The following ASAP2 variants were observed in gnomAD, a reference collection of about 807,000 sequenced individuals.
The protein encoded by ASAP2 is ArfGAP with SH3 domain, ankyrin repeat and PH domain 2.
Under a neutral mutation model 131.4 loss-of-function variants are expected in ASAP2, and 45 were observed. That is an observed-to-expected ratio of 0.34 (90% CI 0.27 to 0.44). The LOEUF (loss-of-function observed/expected upper bound fraction) is 0.44. ASAP2 is among the 20% of genes least tolerant of loss of function. The pLI is 1.00. For missense variants in ASAP2, 1,011 were observed against 1,297.0 expected (o/e 0.78, Z 3.39); for synonymous variants, 510 against 503.0 (o/e 1.01, Z -0.19).
chr2:9,296,853 G>A (rs1046211522), intron 2 of ASAP2, among the ~76,000 whole-genome samples: 13 of 152,174 alleles, frequency 8.5e-5, no homozygotes, highest in African/African-American at 3.1e-4. Flanking sequence ...GACCACTGCT[G>A]TTGCTGTATT....
chr2:9,310,828 G>C (rs116732931), intron 3 of ASAP2, among the ~76,000 whole-genome samples: 133 of 152,342 alleles, frequency 8.7e-4, no homozygotes, highest in Non-Finnish European at 1.7e-3. Flanking sequence ...ATTGTGAAGA[G>C]ATGGCTGTTT....
chr2:9,225,666 G>T (rs2148001050), intron 1 of ASAP2, among the ~76,000 whole-genome samples: 1 of 152,238 alleles, frequency 6.6e-6, no homozygotes, highest in African/African-American at 2.4e-5. Flanking sequence ...TAGGAAGTCT[G>T]GCCTGGCATG....
chr2:9,284,054 A>G (rs1303062092), intron 2 of ASAP2, among the ~76,000 whole-genome samples: 1 of 152,218 alleles, frequency 6.6e-6, no homozygotes, highest in African/African-American at 2.4e-5. Flanking sequence ...TTGTGATGAC[A>G]TTGGCCTCAT....
At chr2:9,263,658 G>A (rs1017203758) in intron 1 of ASAP2, among the ~76,000 whole-genome samples, 1 of 152,192 alleles carries the variant, frequency 6.6e-6, no homozygotes, top group Non-Finnish European at 1.5e-5. Context: ...GCCTGTGGGC[G>A]CTGCTTCCTT....
chr2:9,270,247 A>G (rs1666246606), intron 1 of ASAP2, among the ~76,000 whole-genome samples: 1 of 151,764 alleles, frequency 6.6e-6, no homozygotes, highest in African/African-American at 2.4e-5. Flanking sequence ...TTTTTTACAC[A>G]TAAGTTCCCG....
intron 3 of ASAP2, among the ~76,000 whole-genome samples, chr2:9,314,420 C>T (rs1397904396): frequency 6.6e-6 from 1 of 152,180 alleles, no homozygotes; most frequent in Admixed American, 6.5e-5. Flanking sequence ...TTATCTGAAG[C>T]CCCTGTAGAT....
At chr2:9,395,936 ATAAAGT>A (rs1300822266) in intron 24 of ASAP2, among the ~76,000 whole-genome samples, 3 of 151,946 alleles carry the variant, frequency 2.0e-5, no homozygotes, top group African/African-American at 4.8e-5. Flanking sequence ...GAGTAGAGAA[ATAAAGT>A]TAAACTTTTA....
In ASAP2 at chr2:9,232,412, C is replaced by A. The variant is rs1234206123; in HGVS notation, c.126+25182C>A. On this transcript the variant is annotated intron_variant, in intron 1 of 27. Transcript: ENST00000281419. The surrounding 1 kb of genome is among the most constrained non-coding windows in gnomAD (Gnocchi z 4.1). ...TCTGCTGGCTTTGTGCCCCCGTACC[C>A]CTTTCGCAGCTGACTGTCCACATTA... Among the ~76,000 whole-genome samples, 9 of 152,228 alleles carry A rather than the reference C, an allele frequency of 5.9e-5. No individual in the cohort carries two copies. The highest frequency in any genetic ancestry group is 2.6e-4 in the Admixed American group (4 of 15,284).
chr2:9,395,839 C>T (rs1676103854), intron 24 of ASAP2, among the ~76,000 whole-genome samples: 1 of 151,830 alleles, frequency 6.6e-6, no homozygotes, highest in South Asian at 2.1e-4. Context: ...AATCTCCTGA[C>T]CTCGTGATCT....
intron 1 of ASAP2, among the ~76,000 whole-genome samples, chr2:9,256,572 GT>G (rs1665179539): frequency 6.6e-6 from 1 of 152,122 alleles, no homozygotes; most frequent in African/African-American, 2.4e-5. Context: ...TTTGGATTTT[GT>G]TTTTAAAAAA....
At chr2:9,211,214 T>C (rs1039912579) in intron 1 of ASAP2, among the ~76,000 whole-genome samples, 8 of 152,094 alleles carry the variant, frequency 5.3e-5, no homozygotes, top group African/African-American at 1.9e-4. Context: ...CTGTATTTTA[T>C]AATTTTTCAC....
At position 9,393,010 on chromosome 2, in the gene ASAP2, G is replaced by A. The variant is rs984047334; in HGVS notation, c.2519-472G>A. Among the ~76,000 whole-genome samples, 8 of 152,170 alleles carry A rather than the reference G, an allele frequency of 5.3e-5. No individual in the cohort carries two copies. The East Asian group carries it at 9.6e-4, about 18-fold the overall frequency. On this transcript the variant is annotated intron_variant, in intron 23 of 27. Transcript: ENST00000281419. ...CACCCACTCCGGAGACTGAGGAGCCGTTACTAAGTTAGTAGCTCCCATCTC... is the reference window on the plus strand; with the variant it reads ...CACCCACTCCGGAGACTGAGGAGCCATTACTAAGTTAGTAGCTCCCATCTC...
chr2:9,350,922 C>T, intron 12 of ASAP2, 27 bp downstream of exon 12: 1 of 1,557,622 alleles, frequency 6.4e-7, no homozygotes, highest in Non-Finnish European at 8.8e-7. Context: ...GATGCCGCGC[C>T]ATAGAGACGT....
intron 1 of ASAP2, among the ~76,000 whole-genome samples, chr2:9,251,858 G>C (rs1664732136): frequency 6.6e-6 from 1 of 152,172 alleles, no homozygotes; most frequent in Admixed American, 6.5e-5. Context: ...GGATGGAGCA[G>C]AGATGGGCCT....
In ASAP2 at chr2:9,336,119, T is replaced by G. The variant is rs796806806; in HGVS notation, c.849+940T>G. 4.6e-5 allele frequency: 7 copies of G among 152,350 alleles called. 1 individual carries two copies. The highest frequency in any genetic ancestry group is 1.7e-4 in the African/African-American group (7 of 41,578). 9.4% of individuals were successfully genotyped at this position (152,350 alleles called of 1,614,324 possible). ...CGTGAACATACATATATATATTCCT[T>G]TTATATATTAATGGTTAGTAGCATT... On this transcript the variant is annotated intron_variant, in intron 9 of 27. Transcript: ENST00000281419.
At position 9,265,300 on chromosome 2, in the gene ASAP2, C is replaced by G. The variant is rs189795363; in HGVS notation, c.127-14017C>G. 1.8e-3 allele frequency among the ~76,000 whole-genome samples: 281 copies of G among 152,332 alleles called. 3 individuals carry two copies. The highest frequency in any genetic ancestry group is 3.4e-3 in the Non-Finnish European group (233 of 68,032). Reference sequence around the variant, plus strand: ...GCAAATATGACAACATTCTACATTACGAATTGAGCATCCTTGGATTTTGGA... The same window carrying G: ...GCAAATATGACAACATTCTACATTAGGAATTGAGCATCCTTGGATTTTGGA... On this transcript the variant is annotated intron_variant, in intron 1 of 27. Transcript: ENST00000281419.
At chr2:9,387,344 T>C (rs1382088671) in intron 21 of ASAP2, among the ~76,000 whole-genome samples, 10 of 152,222 alleles carry the variant, frequency 6.6e-5, no homozygotes, top group African/African-American at 2.4e-4. Flanking sequence ...TACTCAGCTC[T>C]GCCAGGATGG....
Position 9,207,083 on chromosome 2 carries a change from C to G in ASAP2, c.-22C>G. ...GCGGCGGCGCCCCTGCGGCTGTGCG[C>G]CAGCGCCCTCGCGCCGAGGCGATGC... On this transcript the variant is annotated 5_prime_UTR_variant, in exon 1 of 28. Coordinates refer to ENST00000281419, the MANE Select transcript of ASAP2 (RefSeq NM_003887.3). This position sits in a 1 kb window ranked among gnomAD's most constrained non-coding sequence, Gnocchi z 4.1. 6.5e-7 allele frequency: 1 copy of G among 1,549,326 alleles called. No individual in the cohort carries two copies. The highest frequency in any genetic ancestry group is 8.7e-7 in the Non-Finnish European group (1 of 1,147,850).
chr2:9,286,583 C>T (rs1667486506), intron 2 of ASAP2, among the ~76,000 whole-genome samples: 1 of 152,082 alleles, frequency 6.6e-6, no homozygotes, highest in African/African-American at 2.4e-5. Flanking sequence ...AACATGCACG[C>T]AGAGTTTCTG....
Sources: gnomAD v4.1 joint callset for allele counts (sites outside exome capture counted in the v4.1 genomes callset) on GRCh38, gnomAD v4.1.1 for gene constraint, Gnocchi (gnomAD v3.1) non-coding constraint, MANE v1.5 for transcripts, NCBI Gene and HGNC (gene_info 2026-07-23, HGNC 2026-07-21) for gene names.